Variants in SGCD observed in about 807,000 individuals in gnomAD.
The protein encoded by SGCD is sarcoglycan delta.
Under a neutral mutation model 36.6 loss-of-function variants are expected in SGCD, and 18 were observed. The ratio of observed to expected loss-of-function variants is 0.49; its 90% CI spans 0.34 to 0.73. SGCD has a LOEUF of 0.73. Among genes scored for constraint, SGCD ranks in the 30% least tolerant of loss-of-function variants. SGCD has a pLI of 0.01. For synonymous variants in SGCD, 133 were observed against 130.6 expected, an observed-to-expected ratio of 1.02 and a Z score of -0.12; for missense variants, 387 against 346.7, an observed-to-expected ratio of 1.12 and a Z score of -0.92.
intron 1 of SGCD, among the ~76,000 whole-genome samples, chr5:155,926,213 G>C (rs1756994393): frequency 6.6e-6 from 1 of 152,120 alleles, no homozygotes; most frequent in Non-Finnish European, 1.5e-5. Context: ...GAATTTTTGA[G>C]ATACTGTTCA....
At chr5:156,004,276 A>G (rs1758715637) in intron 1 of SGCD, among the ~76,000 whole-genome samples, 1 of 152,200 alleles carries the variant, frequency 6.6e-6, no homozygotes. Flanking sequence ...ATTATCCAAA[A>G]TGTACCCAAC....
rs1277260436 is a variant in SGCD, at chr5:155,931,998, C to A, written c.-282+61574C>A. Among the ~76,000 whole-genome samples the A allele has an allele frequency of 2.6e-5, 4 of 152,254 alleles. No homozygotes were observed. In the East Asian group the frequency reaches 5.8e-4, roughly 22 times the overall value. On this transcript the variant is annotated intron_variant, in intron 1 of 9. Transcript: ENST00000517913. ...AAGGTGTGAAGATTCTCTCCCTGGC[C>A]TCTATTGTAAGGGCACTAATCCAGT...
intron 3 of SGCD, among the ~76,000 whole-genome samples, chr5:156,158,597 A>T (rs1187938743): frequency 6.6e-6 from 1 of 151,520 alleles, no homozygotes; most frequent in Non-Finnish European, 1.5e-5. Flanking sequence ...ACACCCAACC[A>T]GGGATGTTGA....
intron 3 of SGCD, among the ~76,000 whole-genome samples, chr5:156,347,306 A>G (rs888119981): frequency 6.6e-6 from 1 of 152,188 alleles, no homozygotes; most frequent in Admixed American, 6.5e-5. Flanking sequence ...GTCGATGTGC[A>G]TGTTCTGTGA....
chr5:156,275,512 T>C (rs1052801138), intron 3 of SGCD, among the ~76,000 whole-genome samples: 1 of 152,214 alleles, frequency 6.6e-6, no homozygotes, highest in African/African-American at 2.4e-5. Flanking sequence ...GAAATTAGAT[T>C]TGCCTCCTGC....
At chr5:156,692,071 A>T (rs1329582825) in intron 7 of SGCD, among the ~76,000 whole-genome samples, 1 of 152,216 alleles carries the variant, frequency 6.6e-6, no homozygotes, top group East Asian at 1.9e-4. Context: ...ATAAAAATCA[A>T]ATTAGAAGTT....
At chr5:155,789,837 G>A in the SGCD span, among the ~76,000 whole-genome samples, 10 of 152,154 alleles carry the variant, frequency 6.6e-5, no homozygotes, top group Admixed American at 3.3e-4. Context: ...TTTGCCACAC[G>A]TCCCAAAGTT....
chr5:155,762,882 A>T, the SGCD span, among the ~76,000 whole-genome samples: 3 of 152,296 alleles, frequency 2.0e-5, no homozygotes, highest in South Asian at 2.1e-4. Flanking sequence ...AGGAATCAGG[A>T]GTACCCTGGG....
At chr5:156,257,765 G>A (rs1765752119) in intron 3 of SGCD, among the ~76,000 whole-genome samples, 2 of 152,208 alleles carry the variant, frequency 1.3e-5, no homozygotes, top group South Asian at 2.1e-4. Context: ...TCCAGAGGCT[G>A]AGGCAGGAAA....
intron 1 of SGCD, among the ~76,000 whole-genome samples, chr5:155,964,624 G>A (rs1004484948): frequency 1.3e-5 from 2 of 152,104 alleles, no homozygotes; most frequent in Non-Finnish European, 1.5e-5. Context: ...ACCACAACTG[G>A]CTGTAAGTTT....
At position 156,548,366 on chromosome 5, in the gene SGCD, C is replaced by T. The variant is rs371709029; in HGVS notation, c.294+39664C>T. Among the ~76,000 whole-genome samples, 5 of 152,096 alleles carry T rather than the reference C, an allele frequency of 3.3e-5. No individual in the cohort carries two copies. The East Asian group carries it at 7.7e-4, about 23-fold the overall frequency. On this transcript the variant is annotated intron_variant, in intron 4 of 8. Transcript: ENST00000337851. ...ACCTCATGCTTTTTGAGCTGGTTGC[C>T]ATTTAGATAGATTTTGTTTGGATCA... is the stretch of plus-strand genomic sequence containing the variant.
intron 3 of SGCD, among the ~76,000 whole-genome samples, chr5:156,384,698 A>G (rs1771182207): frequency 6.6e-6 from 1 of 152,168 alleles, no homozygotes; most frequent in African/African-American, 2.4e-5. Flanking sequence ...ATTATTGTCA[A>G]TGGTATCAGA....
intron 3 of SGCD, among the ~76,000 whole-genome samples, chr5:156,254,262 A>G (rs1561586136): frequency 1.3e-5 from 2 of 152,194 alleles, no homozygotes; most frequent in African/African-American, 4.8e-5. Context: ...TTTAGGGTAC[A>G]CTGCACAACA....
intron 3 of SGCD, among the ~76,000 whole-genome samples, chr5:156,475,619 C>T (rs766892904): frequency 4.6e-5 from 7 of 152,100 alleles, no homozygotes; most frequent in Non-Finnish European, 8.8e-5. Context: ...CTATTTTCTC[C>T]CCGAAGCCAA....
intron 4 of SGCD, among the ~76,000 whole-genome samples, chr5:156,584,496 T>C (rs1342089762): frequency 6.6e-6 from 1 of 152,158 alleles, no homozygotes; most frequent in Non-Finnish European, 1.5e-5. Context: ...ATACAGTGGA[T>C]TAATAAGGGG....
At chr5:156,043,168 G>T (rs1476310763) in intron 1 of SGCD, among the ~76,000 whole-genome samples, 2 of 152,086 alleles carry the variant, frequency 1.3e-5, no homozygotes, top group African/African-American at 4.8e-5. Context: ...GCTGAACATA[G>T]AGCAGATCAG....
At chr5:155,983,108 A>AGGTTT (rs1377537408) in intron 1 of SGCD, among the ~76,000 whole-genome samples, 1 of 152,346 alleles carries the variant, frequency 6.6e-6, no homozygotes, top group African/African-American at 2.4e-5. Flanking sequence ...TCAAGCTTTC[A>AGGTTT]GGTTTGCACA....
intron 3 of SGCD, among the ~76,000 whole-genome samples, chr5:156,215,296 G>T (rs1206879945): frequency 3.9e-5 from 6 of 152,146 alleles, no homozygotes; most frequent in South Asian, 4.1e-4. Flanking sequence ...TGGGGTATTA[G>T]CCCAAAGCAC....
At chr5:156,366,338 C>A (rs1004048463) in intron 3 of SGCD, among the ~76,000 whole-genome samples, 2 of 152,094 alleles carry the variant, frequency 1.3e-5, no homozygotes, top group African/African-American at 4.8e-5. Context: ...TGGAACAGGG[C>A]AGGGTCATTG....
Sources: allele counts gnomAD v4.1 joint callset (sites outside exome capture counted in the v4.1 genomes callset), GRCh38; gene constraint gnomAD v4.1.1; transcripts MANE v1.5; gene names NCBI Gene and HGNC (gene_info 2026-07-23, HGNC 2026-07-21).